The following SGIP1 variants were observed in gnomAD, a reference collection of about 807,000 sequenced individuals.
The protein encoded by SGIP1 is SH3GL interacting endocytic adaptor 1, also known as SH3-containing GRB2-like protein 3-interacting protein 1.
In SGIP1, 38 loss-of-function variants were observed where a neutral mutation model predicts 107.5. The observed-to-expected ratio is 0.35, with a 90% confidence interval of 0.27 to 0.46. The LOEUF is 0.46. Among genes scored for constraint, SGIP1 ranks in the 20% least tolerant of loss-of-function variants. SGIP1 has a pLI of 1.00. For missense variants in SGIP1, 929 were observed against 1,019.5 expected, an observed-to-expected ratio of 0.91 and a Z score of 1.21; for synonymous variants, 365 against 366.1, an observed-to-expected ratio of 1.00 and a Z score of 0.03.
chr1:66,680,530 C>A (rs973199971), intron 14 of SGIP1, among the ~76,000 whole-genome samples: 3 of 152,150 alleles, frequency 2.0e-5, no homozygotes, highest in Admixed American at 6.5e-5. Flanking sequence ...CAGAGTGGGG[C>A]ATTCATCAAC....
intron 8 of SGIP1, among the ~76,000 whole-genome samples, chr1:66,662,411 T>C (rs2081686823): frequency 1.3e-5 from 2 of 152,204 alleles, no homozygotes; most frequent in South Asian, 4.1e-4. Context: ...ATAGACTGTT[T>C]GGTTAGTTGG....
At chr1:66,624,523 T>C (rs2072116350) in intron 1 of SGIP1, among the ~76,000 whole-genome samples, 1 of 152,150 alleles carries the variant, frequency 6.6e-6, no homozygotes, top group Non-Finnish European at 1.5e-5. Flanking sequence ...AATACAAAAT[T>C]AGACAGAACA....
rs191021245 is a variant in SGIP1, at chr1:66,683,937, G to A, written c.1315+1568G>A. Among the ~76,000 whole-genome samples the A allele has an allele frequency of 9.9e-3, 1,509 of 151,816 alleles. 12 individuals carry two copies. The highest frequency in any genetic ancestry group is 0.015 in the Non-Finnish European group (1,012 of 67,888). On this transcript the variant is annotated intron_variant, in intron 15 of 24. Coordinates refer to ENST00000371037, the MANE Select transcript of SGIP1 (RefSeq NM_032291.4). ...TCACCATATTGGCTAGGCTGGTCTC[G>A]AACTCCTGGCCTCAAGTGACCCACC...
chr1:66,702,035 T>C (rs1349019352), intron 18 of SGIP1, among the ~76,000 whole-genome samples: 2 of 152,214 alleles, frequency 1.3e-5, no homozygotes, highest in Non-Finnish European at 2.9e-5. Context: ...CTGCTGTTTT[T>C]ACCAGTAATG....
At chr1:66,628,433 C>T (rs1011185434) in intron 2 of SGIP1, 1 of 154,684 alleles carries the variant, frequency 6.5e-6, no homozygotes, top group African/African-American at 2.4e-5. Context: ...TAGATGGAAT[C>T]GAATTTCCCT....
chr1:66,645,282 C>G (rs539456347), intron 7 of SGIP1, among the ~76,000 whole-genome samples: 1 of 152,274 alleles, frequency 6.6e-6, no homozygotes, highest in South Asian at 2.1e-4. Context: ...GTAGCTGAAT[C>G]CAGGAAGGAA....
chr1:66,714,350 T>C (rs1055603584), intron 18 of SGIP1, among the ~76,000 whole-genome samples: 4 of 152,174 alleles, frequency 2.6e-5, no homozygotes, highest in African/African-American at 7.2e-5. Context: ...TAATAGCATC[T>C]GCTTTACCAC....
intron 5 of SGIP1, among the ~76,000 whole-genome samples, chr1:66,640,313 G>T (rs1025272212): frequency 2.0e-5 from 3 of 152,196 alleles, no homozygotes; most frequent in African/African-American, 7.2e-5. Context: ...AACCTGCCTA[G>T]CCTGTAGTAT....
intron 1 of SGIP1, among the ~76,000 whole-genome samples, chr1:66,579,140 A>G (rs1427624890): frequency 6.6e-6 from 1 of 152,216 alleles, no homozygotes; most frequent in Non-Finnish European, 1.5e-5. Context: ...TGATAGGAGT[A>G]GCCAAGTCTT....
At chr1:66,548,850 G>A (rs2056899493) in intron 1 of SGIP1, among the ~76,000 whole-genome samples, 1 of 152,050 alleles carries the variant, frequency 6.6e-6, no homozygotes, top group Admixed American at 6.6e-5. Context: ...CCAATTCATA[G>A]CCCTCTCTTC....
At position 66,640,419 on chromosome 1, in the gene SGIP1, T is replaced by C. The variant is rs138017391; in HGVS notation, c.228+586T>C. Among the ~76,000 whole-genome samples, 480 of 152,258 alleles carry C rather than the reference T, an allele frequency of 3.2e-3. 2 individuals carry two copies. Among genetic ancestry groups the C allele is most frequent in the African/African-American group, 0.011 (455 of 41,554 alleles). On this transcript the variant is annotated intron_variant, in intron 5 of 24. Transcript: ENST00000371037. The stretch of plus-strand genomic sequence containing the variant: ...CAGAATAGAGGCAAGTCAACCTGAT[T>C]TTGGCAGGAAAGGCTTCAGGGAGGA...
Position 66,660,228 on chromosome 1 carries a change from AGAGGGAGG to A in SGIP1, c.460-268_460-261del, listed in dbSNP as rs754089563. Reference sequence around the variant, plus strand: ...GAAAGAAAGAAAGAGAAAGAAAGAAAGAGGGAGGGAGGGAGGGAGGGAGGAAGGAAGGG... The same window carrying A: ...GAAAGAAAGAAAGAGAAAGAAAGAAAGAGGGAGGGAGGGAGGAAGGAAGGG... On this transcript the variant is annotated intron_variant, in intron 7 of 24. Transcript: ENST00000371037. 6.1e-5 allele frequency: 14 copies of A among 228,982 alleles called. 2 individuals carry two copies. The highest frequency in any genetic ancestry group is 5.1e-4 in the South Asian group (2 of 3,946). The allele number at this position is 228,982 out of a possible 1,614,324, so 14.2% of individuals were successfully genotyped here. A position where few individuals can be genotyped will look rare whatever the true frequency, so the allele number is the denominator to read the frequency against.
At chr1:66,674,563 C>T (rs915411325) in intron 12 of SGIP1, among the ~76,000 whole-genome samples, 1 of 152,174 alleles carries the variant, frequency 6.6e-6, no homozygotes, top group Non-Finnish European at 1.5e-5. Flanking sequence ...GCTACATTAA[C>T]AAAGAGACCC....
chr1:66,565,624 G>A lies in SGIP1; in HGVS notation c.10+31256G>A, dbSNP rs182131965. Among the ~76,000 whole-genome samples, 574 of 152,066 alleles carry A rather than the reference G, an allele frequency of 3.8e-3. 1 individual carries two copies. Among genetic ancestry groups the A allele is most frequent in the Middle Eastern group, 6.8e-3 (2 of 294 alleles). ...GAGAGAGAGATTTCTAAAATTGGAG[G>A]TTGTATTGGAAAAGACTTTCTGAAA... On this transcript the variant is annotated intron_variant, in intron 1 of 24. Coordinates refer to ENST00000371037, the MANE Select transcript of SGIP1 (RefSeq NM_032291.4).
chr1:66,735,949 A>T (rs1049168336), intron 21 of SGIP1, among the ~76,000 whole-genome samples: 1 of 151,438 alleles, frequency 6.6e-6, no homozygotes, highest in Non-Finnish European at 1.5e-5. Flanking sequence ...ATATGTTCAG[A>T]TTATTTTTCT....
At chr1:66,633,783 G>A (rs915394042) in intron 3 of SGIP1, among the ~76,000 whole-genome samples, 1 of 144,444 alleles carries the variant, frequency 6.9e-6, no homozygotes. Context: ...TATTCAGAAG[G>A]TTCAAAAGAA....
chr1:66,634,916 C>T (rs774726640), intron 3 of SGIP1, among the ~76,000 whole-genome samples: 2 of 152,116 alleles, frequency 1.3e-5, no homozygotes, highest in Non-Finnish European at 2.9e-5. Context: ...TCAGAGATAC[C>T]GACCTGATTT....
chr1:66,584,547 G>T (rs2062285283), intron 1 of SGIP1, among the ~76,000 whole-genome samples: 1 of 149,686 alleles, frequency 6.7e-6, no homozygotes, highest in Non-Finnish European at 1.5e-5. Flanking sequence ...ATGTTCACAA[G>T]TTGGGTTTTT....
chr1:66,536,645 T>A (rs962234323), intron 1 of SGIP1, among the ~76,000 whole-genome samples: 1 of 152,190 alleles, frequency 6.6e-6, no homozygotes, highest in African/African-American at 2.4e-5. Flanking sequence ...CTTGGAAAGA[T>A]AAGGAACCTC....
Sources: gnomAD v4.1 joint callset for allele counts (sites outside exome capture counted in the v4.1 genomes callset) on GRCh38, gnomAD v4.1.1 for gene constraint, MANE v1.5 for transcripts, NCBI Gene and HGNC (gene_info 2026-07-23, HGNC 2026-07-21) for gene names.